Variants in PPM1H observed in about 807,000 individuals in gnomAD.
PPM1H encodes the protein protein phosphatase 1H.
PPM1H carries 27 observed loss-of-function variants against 54.9 expected under a neutral mutation model. The ratio of observed to expected loss-of-function variants is 0.49; its 90% confidence interval spans 0.36 to 0.68. The LOEUF is 0.68. Ranked by LOEUF, PPM1H falls within the 30% of genes least tolerant of loss-of-function variation. PPM1H has a pLI of 0.00. For synonymous variants in PPM1H, 305 were observed against 270.8 expected (o/e 1.13, Z -1.24); for missense variants, 596 against 667.8 (o/e 0.89, Z 1.19).
intron 6 of PPM1H, among the ~76,000 whole-genome samples, chr12:62,702,378 C>T (rs1289930300): frequency 6.6e-6 from 1 of 152,094 alleles, no homozygotes; most frequent in African/African-American, 2.4e-5. Context: ...CAAGTTCCTC[C>T]TTTAAAGTTC....
intron 1 of PPM1H, among the ~76,000 whole-genome samples, chr12:62,922,978 TTGAC>T (rs1871849499): frequency 6.6e-6 from 1 of 152,238 alleles, no homozygotes. Flanking sequence ...ACTTTCCAGT[TTGAC>T]CCCATGTGAA....
intron 6 of PPM1H, among the ~76,000 whole-genome samples, chr12:62,696,392 C>T (rs905877966): frequency 1.3e-5 from 2 of 152,110 alleles, no homozygotes; most frequent in African/African-American, 4.8e-5. Context: ...TATTCTGCCC[C>T]GCCAGTGTTG....
At chr12:62,697,001 G>A (rs974034522) in intron 6 of PPM1H, among the ~76,000 whole-genome samples, 1 of 152,216 alleles carries the variant, frequency 6.6e-6, no homozygotes, top group Non-Finnish European at 1.5e-5. Context: ...TTTGGCAAAA[G>A]AGGAAGGGGA....
intron 6 of PPM1H, among the ~76,000 whole-genome samples, chr12:62,718,200 T>C (rs1207781342): frequency 6.6e-6 from 1 of 152,206 alleles, no homozygotes. Context: ...ACAGACTTGT[T>C]AAAGAGACAT....
At chr12:62,912,564 G>A (rs937608649) in intron 1 of PPM1H, among the ~76,000 whole-genome samples, 8 of 152,152 alleles carry the variant, frequency 5.3e-5, no homozygotes, top group African/African-American at 1.9e-4. Context: ...TGGCAGAAAT[G>A]TACAGAATGT....
chr12:62,893,538 C>A (rs769857133), intron 1 of PPM1H, among the ~76,000 whole-genome samples: 4 of 152,072 alleles, frequency 2.6e-5, no homozygotes, highest in Non-Finnish European at 5.9e-5. Flanking sequence ...CTCACTGCAG[C>A]CTCTATTTCC....
intron 1 of PPM1H, among the ~76,000 whole-genome samples, chr12:62,933,363 G>A (rs1341443758): frequency 6.6e-6 from 1 of 152,046 alleles, no homozygotes; most frequent in African/African-American, 2.4e-5. Context: ...CGGGGTATCC[G>A]GGCCACCAGA....
At chr12:62,750,293 T>A (rs1373918713) in intron 4 of PPM1H, among the ~76,000 whole-genome samples, 2 of 152,234 alleles carry the variant, frequency 1.3e-5, no homozygotes, top group Non-Finnish European at 2.9e-5. Context: ...TCTCCTTCGT[T>A]CTAAGCCCTT....
At chr12:62,930,237 T>C (rs1204868229) in intron 1 of PPM1H, among the ~76,000 whole-genome samples, 2 of 152,210 alleles carry the variant, frequency 1.3e-5, no homozygotes, top group African/African-American at 4.8e-5. Flanking sequence ...AATTTCATAA[T>C]TTTCAACTCT....
intron 1 of PPM1H, among the ~76,000 whole-genome samples, chr12:62,854,265 G>T (rs971026543): frequency 1.3e-5 from 2 of 152,094 alleles, no homozygotes; most frequent in South Asian, 4.1e-4. Context: ...ACTCTTAACC[G>T]CAATGGATGG....
chr12:62,672,517 A>G (rs1255755314), intron 8 of PPM1H, among the ~76,000 whole-genome samples: 2 of 152,188 alleles, frequency 1.3e-5, no homozygotes, highest in Admixed American at 6.5e-5. Context: ...CAAAGATCCT[A>G]CCTGTAAGAG....
At chr12:62,716,697 A>T (rs573241403) in intron 6 of PPM1H, among the ~76,000 whole-genome samples, 11 of 152,060 alleles carry the variant, frequency 7.2e-5, no homozygotes, top group African/African-American at 2.2e-4. Context: ...TGGCTAATTT[A>T]AAAAAAATTT....
rs907590671 is a variant in PPM1H, at chr12:62,703,091, C to T, written c.1074-9092G>A. 5.3e-5 allele frequency among the ~76,000 whole-genome samples: 8 copies of T among 152,304 alleles called. No individual in the cohort carries two copies. In the East Asian group the frequency reaches 1.2e-3, roughly 22 times the overall value. On this transcript the variant is annotated intron_variant, in intron 6 of 9. Coordinates refer to ENST00000228705, the MANE Select transcript of PPM1H (RefSeq NM_020700.2). ...CATCAGTTGTGGCTATTAAGGTCTT[C>T]GGAGCCTCATTCTTTCTTCCATGCA...
intron 4 of PPM1H, chr12:62,756,061 AC>A: frequency 8.1e-7 from 1 of 1,237,960 alleles, no homozygotes; most frequent in Non-Finnish European, 1.2e-6. Context: ...TACACTGAGC[AC>A]CAGGTTGTCT....
At chr12:62,739,848 C>T (rs543484401) in intron 4 of PPM1H, among the ~76,000 whole-genome samples, 10 of 152,356 alleles carry the variant, frequency 6.6e-5, no homozygotes, top group South Asian at 4.1e-4. Context: ...CCAAGTCACA[C>T]GGGGTAGATT....
intron 1 of PPM1H, among the ~76,000 whole-genome samples, chr12:62,870,756 T>C (rs1869947021): frequency 6.6e-6 from 1 of 152,170 alleles, no homozygotes. Flanking sequence ...GGACAAAGGA[T>C]GTGAATAGAC....
intron 1 of PPM1H, among the ~76,000 whole-genome samples, chr12:62,874,758 G>A (rs1870102821): frequency 6.6e-6 from 1 of 152,162 alleles, no homozygotes; most frequent in Admixed American, 6.5e-5. Flanking sequence ...TCTTTCAAAG[G>A]AAATTCAGAT....
chr12:62,659,627 A>G (rs182202563), intron 9 of PPM1H, among the ~76,000 whole-genome samples: 1 of 152,342 alleles, frequency 6.6e-6, no homozygotes, highest in East Asian at 1.9e-4. Context: ...AAACAAAAAG[A>G]AAAGGAACCT....
chr12:62,894,929 G>T (rs1870929651), intron 1 of PPM1H, among the ~76,000 whole-genome samples: 1 of 152,226 alleles, frequency 6.6e-6, no homozygotes, highest in Non-Finnish European at 1.5e-5. Context: ...GTTGGGGGCT[G>T]CATGGCAACT....
Sources: gnomAD v4.1 joint callset for allele counts (sites outside exome capture counted in the v4.1 genomes callset) on GRCh38, gnomAD v4.1.1 for gene constraint, MANE v1.5 for transcripts, NCBI Gene and HGNC (gene_info 2026-07-23, HGNC 2026-07-21) for gene names.